Variants in NLGN1 observed in about 807,000 individuals in gnomAD.
NLGN1 encodes neuroligin 1.
NLGN1 carries 12 observed loss-of-function variants against 65.5 expected under a neutral mutation model. The observed-to-expected ratio is 0.18, with a 90% CI of 0.12 to 0.30. The LOEUF is 0.30. Ranked by LOEUF, NLGN1 falls within the 10% of genes least tolerant of loss-of-function variation. The pLI is 1.00. For synonymous variants in NLGN1, 350 were observed against 359.5 expected (o/e 0.97, Z 0.30); for missense variants, 750 against 1,007.1 (o/e 0.74, Z 3.46).
intron 5 of NLGN1, among the ~76,000 whole-genome samples, chr3:174,276,250 C>A (rs692115): frequency 0.47 from 71,102 of 151,506 alleles, 17,194 homozygotes; most frequent in East Asian, 0.69. Context: ...TATTTTTTCC[C>A]AAGTGCCTGT....
intron 4 of NLGN1, among the ~76,000 whole-genome samples, chr3:174,121,373 A>G (rs553083510): frequency 1.1e-4 from 17 of 152,338 alleles, no homozygotes; most frequent in East Asian, 5.8e-4. Flanking sequence ...TACTGACCAG[A>G]CACATTTCCA....
At chr3:174,287,984 G>T (rs1752318525), downstream of NLGN1, among the ~76,000 whole-genome samples, 1 of 151,432 alleles carries the variant, frequency 6.6e-6, no homozygotes, top group African/African-American at 2.4e-5. Context: ...TATGGGTTAG[G>T]CAACATAATG....
chr3:173,763,852 A>C (rs1007606794), intron 3 of NLGN1, among the ~76,000 whole-genome samples: 4 of 152,268 alleles, frequency 2.6e-5, no homozygotes, highest in Admixed American at 2.6e-4. Flanking sequence ...GAGGAATGTT[A>C]ATGAAAGAAG....
At chr3:174,261,171 C>G (rs1211604893) in intron 4 of NLGN1, among the ~76,000 whole-genome samples, 2 of 151,908 alleles carry the variant, frequency 1.3e-5, no homozygotes, top group Non-Finnish European at 2.9e-5. Context: ...GATGCAGGCT[C>G]TTTTTTGGTT....
intron 5 of NLGN1, among the ~76,000 whole-genome samples, chr3:174,278,629 T>C (rs1341154030): frequency 6.6e-6 from 1 of 151,950 alleles, no homozygotes; most frequent in Non-Finnish European, 1.5e-5. Flanking sequence ...TCTTTGAGGC[T>C]TCTTGATCCC....
At chr3:173,527,672 C>G (rs1474279108) in intron 2 of NLGN1, among the ~76,000 whole-genome samples, 2 of 152,212 alleles carry the variant, frequency 1.3e-5, no homozygotes, top group African/African-American at 4.8e-5. Context: ...GCTGGGATTA[C>G]AGGCGTGAGC....
chr3:173,807,932 T>C, intron 4 of NLGN1, 100 bp downstream of exon 4: 1 of 1,237,846 alleles, frequency 8.1e-7, no homozygotes, highest in Non-Finnish European at 1.2e-6. Flanking sequence ...TTCACCCATT[T>C]TTTTATGCGT....
At chr3:173,710,144 A>G (rs931368301) in intron 3 of NLGN1, among the ~76,000 whole-genome samples, 3 of 152,156 alleles carry the variant, frequency 2.0e-5, no homozygotes, top group Non-Finnish European at 4.4e-5. Flanking sequence ...GTGAATATTT[A>G]TATATTCAGA....
rs528671553 is a variant in NLGN1 at position 173,909,866 on chromosome 3, C to T, written c.646+102034C>T. 3.3e-4 allele frequency among the ~76,000 whole-genome samples: 50 copies of T among 152,166 alleles called. 1 individual carries two copies. Among genetic ancestry groups the T allele is most frequent in the Admixed American group, 2.7e-3 (41 of 15,276 alleles). The stretch of plus-strand genomic sequence containing the variant: ...GCTAATTTTGTATTTTCAGTAGAGA[C>T]GGGGTTTCTCCACGTTGGTCAGGCT... On this transcript the variant is annotated intron_variant, in intron 4 of 6. Coordinates refer to ENST00000457714, the Ensembl canonical transcript of NLGN1.
Position 173,567,419 on chromosome 3 carries a change from A to G in NLGN1, c.-320-36860A>G, listed in dbSNP as rs972635192. Reference sequence around the variant, plus strand: ...GTTTTTTAGTTTTTAAAAGTCTGTTATACTAGCTTTATTAGATAAATAGAA... The same window carrying G: ...GTTTTTTAGTTTTTAAAAGTCTGTTGTACTAGCTTTATTAGATAAATAGAA... On this transcript the variant is annotated intron_variant, in intron 2 of 6. Transcript: ENST00000457714. Among the ~76,000 whole-genome samples the G allele has an allele frequency of 6.6e-5, 10 of 152,100 alleles. No individual in the cohort carries two copies. The East Asian group carries it at 1.7e-3, about 26-fold the overall frequency.
chr3:174,097,687 T>C (rs551202280), intron 4 of NLGN1, among the ~76,000 whole-genome samples: 1 of 152,258 alleles, frequency 6.6e-6, no homozygotes, highest in South Asian at 2.1e-4. Flanking sequence ...AAACATAATA[T>C]GTAATGGAAA....
chr3:173,547,858 G>C (rs1035504502), intron 2 of NLGN1, among the ~76,000 whole-genome samples: 7 of 151,998 alleles, frequency 4.6e-5, no homozygotes, highest in Non-Finnish European at 1.0e-4. Context: ...TTCTATTACA[G>C]GGGGGTAGGA....
chr3:174,207,720 A>T (rs1735689734), intron 4 of NLGN1, among the ~76,000 whole-genome samples: 1 of 152,172 alleles, frequency 6.6e-6, no homozygotes, highest in African/African-American at 2.4e-5. Context: ...TTTCATAGCT[A>T]TTAATAATTT....
chr3:173,617,101 A>G (rs769269867), intron 3 of NLGN1, among the ~76,000 whole-genome samples: 1 of 151,974 alleles, frequency 6.6e-6, no homozygotes, highest in Non-Finnish European at 1.5e-5. Flanking sequence ...CTTTTAATGT[A>G]CCTCTACCTC....
At position 173,478,126 on chromosome 3, in the gene NLGN1, C is replaced by T. The variant is rs185600989; in HGVS notation, c.-321+43048C>T. Among the ~76,000 whole-genome samples, 194 of 152,240 alleles carry T rather than the reference C, an allele frequency of 1.3e-3. 1 individual carries two copies. Among genetic ancestry groups the T allele is most frequent in the African/African-American group, 4.5e-3 (186 of 41,534 alleles). ...TGCATATGTTCATTGTAGCACTATT[C>T]ACAATATCAAAGACATGGAATCAAC... On this transcript the variant is annotated intron_variant, in intron 2 of 6. Transcript: ENST00000457714.
At chr3:173,807,217 A>G (rs975810054) in intron 3 of NLGN1, among the ~76,000 whole-genome samples, 8 of 152,204 alleles carry the variant, frequency 5.3e-5, no homozygotes, top group Non-Finnish European at 8.8e-5. Context: ...GTTGCATTTG[A>G]CACAAAGTTT....
intron 4 of NLGN1, among the ~76,000 whole-genome samples, chr3:174,198,898 G>A (rs992169718): frequency 7.3e-6 from 1 of 137,786 alleles, no homozygotes; most frequent in Admixed American, 8.2e-5. Flanking sequence ...TCCCAGGCTG[G>A]AGTGCAATGC....
At chr3:174,266,384 G>C (rs1266089949) in intron 4 of NLGN1, among the ~76,000 whole-genome samples, 1 of 152,138 alleles carries the variant, frequency 6.6e-6, no homozygotes, top group Non-Finnish European at 1.5e-5. Flanking sequence ...CAAAAGTCAT[G>C]ATTTTGTTCT....
chr3:173,605,911 T>C (rs189488377), intron 3 of NLGN1, among the ~76,000 whole-genome samples: 3 of 152,218 alleles, frequency 2.0e-5, no homozygotes, highest in Admixed American at 1.3e-4. Context: ...AAAACAATGC[T>C]GTCTTAGGAA....
Sources: gnomAD v4.1 joint callset for allele counts (sites outside exome capture counted in the v4.1 genomes callset) on GRCh38, gnomAD v4.1.1 for gene constraint, MANE v1.5 for transcripts, NCBI Gene and HGNC (gene_info 2026-07-23, HGNC 2026-07-21) for gene names.